PLD5: variants seen among roughly 807,000 people sequenced by gnomAD.
PLD5 encodes phospholipase D family member 5.
In PLD5, 36 loss-of-function variants were observed where a neutral mutation model predicts 61.1. That is an observed-to-expected ratio of 0.59 (90% CI 0.45 to 0.78). The LOEUF (loss-of-function observed/expected upper bound fraction) is 0.78, where lower values mean the gene tolerates loss of function less well. PLD5 is among the 30% of genes least tolerant of loss of function. PLD5 has a pLI of 0.00. For synonymous variants in PLD5, 243 were observed against 242.8 expected, an observed-to-expected ratio of 1.00 and a Z score of -0.01; for missense variants, 515 against 644.4, an observed-to-expected ratio of 0.80 and a Z score of 2.17.
intron 8 of PLD5, among the ~76,000 whole-genome samples, chr1:242,104,665 G>A (rs1660915346): frequency 1.3e-5 from 2 of 151,992 alleles, no homozygotes. Context: ...TGTTTCACTG[G>A]GTAATTGTAA....
intron 1 of PLD5, among the ~76,000 whole-genome samples, chr1:242,451,751 C>T (rs981636429): frequency 2.0e-5 from 3 of 152,064 alleles, no homozygotes; most frequent in Admixed American, 6.6e-5. Flanking sequence ...TGAGCCACCG[C>T]GCCCAGTCTA....
At chr1:242,502,518 A>T (rs1668585751) in intron 1 of PLD5, among the ~76,000 whole-genome samples, 1 of 152,238 alleles carries the variant, frequency 6.6e-6, no homozygotes, top group South Asian at 2.1e-4. Context: ...CAGTATAACA[A>T]AACATGCAAC....
chr1:242,159,074 G>A (rs1665620494), intron 5 of PLD5, among the ~76,000 whole-genome samples: 1 of 152,118 alleles, frequency 6.6e-6, no homozygotes. Flanking sequence ...TTTGAGTCTA[G>A]TTGTGCTAAT....
Position 242,180,760 on chromosome 1 carries a change from C to T in PLD5, c.735+39228G>A, listed in dbSNP as rs148547394. On this transcript the variant is annotated intron_variant, in intron 5 of 9. Coordinates refer to ENST00000536534, the MANE Select transcript of PLD5 (RefSeq NM_001372062.1). ...CTTTGGGAGACCAAGGCAGGAGGAT[C>T]GCTTGAGCTCAGGAGTTTGAGATCA... is the stretch of plus-strand genomic sequence containing the variant. 2.7e-3 allele frequency among the ~76,000 whole-genome samples: 414 copies of T among 152,198 alleles called. 2 individuals carry two copies. The highest frequency in any genetic ancestry group is 9.1e-3 in the African/African-American group (379 of 41,502).
chr1:242,090,945 G>A (rs571827995), intron 9 of PLD5, among the ~76,000 whole-genome samples: 75 of 151,952 alleles, frequency 4.9e-4, no homozygotes, highest in African/African-American at 1.7e-3. Flanking sequence ...TAGAGATGGG[G>A]TCTTGCTGTG....
At chr1:242,373,345 G>A (rs1661754577) in intron 1 of PLD5, among the ~76,000 whole-genome samples, 1 of 152,334 alleles carries the variant, frequency 6.6e-6, no homozygotes, top group African/African-American at 2.4e-5. Context: ...CTTTTACACT[G>A]TTGGTAGGAC....
At chr1:242,455,460 GC>G (rs1666916030) in intron 1 of PLD5, among the ~76,000 whole-genome samples, 1 of 152,214 alleles carries the variant, frequency 6.6e-6, no homozygotes, top group African/African-American at 2.4e-5. Flanking sequence ...GAAACAAGCA[GC>G]TTAATGAAGT....
chr1:242,401,685 C>G (rs1022882096), intron 1 of PLD5, among the ~76,000 whole-genome samples: 2 of 152,192 alleles, frequency 1.3e-5, no homozygotes, highest in African/African-American at 4.8e-5. Context: ...CTGTTCTGAT[C>G]TCTGCTCAAA....
intron 5 of PLD5, among the ~76,000 whole-genome samples, chr1:242,127,502 AG>A (rs1286999124): frequency 6.6e-6 from 1 of 152,182 alleles, no homozygotes; most frequent in Non-Finnish European, 1.5e-5. Context: ...TGGCATTCAC[AG>A]CAACCTGGAT....
At chr1:242,257,038 T>TTTA (rs1553337389) in intron 4 of PLD5, among the ~76,000 whole-genome samples, 6 of 142,292 alleles carry the variant, frequency 4.2e-5, no homozygotes, top group Non-Finnish European at 7.7e-5. Context: ...CCTACCTACC[T>TTTA]TCTATCTATC....
At chr1:242,209,575 G>A (rs930518871) in intron 5 of PLD5, among the ~76,000 whole-genome samples, 15 of 152,026 alleles carry the variant, frequency 9.9e-5, no homozygotes, top group African/African-American at 1.9e-4. Context: ...TGTTACTATG[G>A]CAACAGCACA....
chr1:242,095,961 T>G (rs1314381562), intron 9 of PLD5, among the ~76,000 whole-genome samples: 2 of 152,096 alleles, frequency 1.3e-5, no homozygotes, highest in Non-Finnish European at 2.9e-5. Context: ...CTCTCTTTTT[T>G]TTTCTTTTTT....
intron 5 of PLD5, among the ~76,000 whole-genome samples, chr1:242,128,630 T>C (rs1436357862): frequency 6.6e-6 from 1 of 152,208 alleles, no homozygotes; most frequent in Non-Finnish European, 1.5e-5. Context: ...TGATAGGATG[T>C]GATTATTCTG....
chr1:242,361,146 T>C (rs372719211), intron 1 of PLD5, among the ~76,000 whole-genome samples: 3,234 of 152,254 alleles, frequency 0.021, 51 homozygotes, highest in East Asian at 0.033. Flanking sequence ...ATAACTCTCA[T>C]AAATTTATTT....
chr1:242,253,863 C>T (rs1672860531), intron 4 of PLD5, among the ~76,000 whole-genome samples: 1 of 152,132 alleles, frequency 6.6e-6, no homozygotes, highest in South Asian at 2.1e-4. Flanking sequence ...ATGGGTACGA[C>T]TATATTATAT....
intron 5 of PLD5, among the ~76,000 whole-genome samples, chr1:242,218,744 G>A (rs1019219080): frequency 6.6e-6 from 1 of 152,214 alleles, no homozygotes; most frequent in African/African-American, 2.4e-5. Context: ...GGTGTTTAGA[G>A]CTATATGGCT....
chr1:242,179,523 C>T (rs1667382752), intron 5 of PLD5, among the ~76,000 whole-genome samples: 1 of 152,154 alleles, frequency 6.6e-6, no homozygotes, highest in African/African-American at 2.4e-5. Context: ...CTGTGTTACC[C>T]TTGTCTTCTT....
At chr1:242,306,300 G>A (rs1329811936) in intron 2 of PLD5, among the ~76,000 whole-genome samples, 2 of 150,488 alleles carry the variant, frequency 1.3e-5, no homozygotes, top group Non-Finnish European at 3.0e-5. Flanking sequence ...AATCTGAGTT[G>A]CTGGGCTGAG....
chr1:242,403,500 C>T (rs376086538), intron 1 of PLD5, among the ~76,000 whole-genome samples: 85 of 150,370 alleles, frequency 5.7e-4, no homozygotes, highest in African/African-American at 1.2e-3. Context: ...TATCTCGCTC[C>T]GTCATCCAGG....
Sources: allele counts gnomAD v4.1 joint callset (sites outside exome capture counted in the v4.1 genomes callset), GRCh38; gene constraint gnomAD v4.1.1; transcripts MANE v1.5; gene names NCBI Gene and HGNC (gene_info 2026-07-23, HGNC 2026-07-21).